The following RBFOX3 variants were observed in gnomAD, a reference collection of about 807,000 sequenced individuals.
RBFOX3 encodes RNA binding protein fox-1 homolog 3.
A neutral mutation model predicts 48.7 loss-of-function variants in RBFOX3; 17 were observed. That is an observed-to-expected ratio of 0.35 (90% CI 0.24 to 0.52). The LOEUF (loss-of-function observed/expected upper bound fraction) is 0.52, where lower values mean the gene tolerates loss of function less well. Among genes scored for constraint, RBFOX3 ranks in the 20% least tolerant of loss-of-function variants. The pLI is 0.94. For synonymous variants in RBFOX3, 212 were observed against 209.5 expected, an observed-to-expected ratio of 1.01 and a Z score of -0.10; for missense variants, 382 against 497.5, an observed-to-expected ratio of 0.77 and a Z score of 2.21.
At chr17:79,219,954 C>T (rs1374228845) in intron 4 of RBFOX3, among the ~76,000 whole-genome samples, 2 of 150,240 alleles carry the variant, frequency 1.3e-5, no homozygotes, top group East Asian at 1.9e-4. Context: ...CCAGCCCCAC[C>T]GTCTGCATCC....
intron 2 of RBFOX3, among the ~76,000 whole-genome samples, chr17:79,450,874 G>T (rs1178552711): frequency 2.6e-5 from 4 of 152,154 alleles, no homozygotes; most frequent in African/African-American, 9.7e-5. Context: ...GCCAAGAGGA[G>T]AGAAAAAGTA....
chr17:79,395,128 G>A (rs1364487903), intron 2 of RBFOX3, among the ~76,000 whole-genome samples: 1 of 152,224 alleles, frequency 6.6e-6, no homozygotes. Context: ...CCTTCTGCCG[G>A]AGACCAGGGA....
rs1395987418 is a variant in RBFOX3, at chr17:79,198,821, G to A, written c.-34+36945C>T. Among the ~76,000 whole-genome samples the A allele has an allele frequency of 5.3e-5, 8 of 152,168 alleles. No individual in the cohort carries two copies. The South Asian group carries it at 6.2e-4, about 12-fold the overall frequency. On this transcript the variant is annotated intron_variant, in intron 4 of 14. Transcript: ENST00000693108. This position sits in a 1 kb window ranked among gnomAD's most constrained non-coding sequence, Gnocchi z 8.2. ...TTTTTGTACTTTTGGTAGAGATGGCGTTTCATCATGTTGGCCAGGCTAATC... is the reference window on the plus strand; with the variant it reads ...TTTTTGTACTTTTGGTAGAGATGGCATTTCATCATGTTGGCCAGGCTAATC...
chr17:79,581,324 C>G (rs1423813872), intron 1 of RBFOX3, among the ~76,000 whole-genome samples: 2 of 152,204 alleles, frequency 1.3e-5, no homozygotes, highest in South Asian at 2.1e-4. Flanking sequence ...ACGGAAGCCT[C>G]CGGGCTTTTG....
chr17:79,154,735 T>C (rs371613604), intron 4 of RBFOX3, among the ~76,000 whole-genome samples: 12 of 152,242 alleles, frequency 7.9e-5, no homozygotes, highest in East Asian at 5.8e-4. Context: ...TGCTGGCCCC[T>C]GCCCCGTTGG....
chr17:79,426,059 G>T (rs1333718818), intron 2 of RBFOX3, among the ~76,000 whole-genome samples: 2 of 152,134 alleles, frequency 1.3e-5, no homozygotes, highest in Admixed American at 6.5e-5. Flanking sequence ...AGCTGGGGAG[G>T]AGAGGGAGAC....
intron 2 of RBFOX3, among the ~76,000 whole-genome samples, chr17:79,437,352 T>TGGAGCTCCTCCA (rs1425390971): frequency 1.3e-5 from 2 of 152,196 alleles, no homozygotes; most frequent in African/African-American, 4.8e-5. Flanking sequence ...CCGCTCCTCC[T>TGGAGCTCCTCCA]GGAGCTCCTC....
chr17:79,573,439 G>A (rs1336750180), intron 1 of RBFOX3, among the ~76,000 whole-genome samples: 1 of 152,194 alleles, frequency 6.6e-6, no homozygotes, highest in Non-Finnish European at 1.5e-5. Flanking sequence ...GTGCAGCCTG[G>A]AGGAGGGGCT....
At chr17:79,402,666 G>C (rs1338344418) in intron 2 of RBFOX3, among the ~76,000 whole-genome samples, 1 of 152,158 alleles carries the variant, frequency 6.6e-6, no homozygotes, top group African/African-American at 2.4e-5. Context: ...TTTGGCTCTC[G>C]GTCTCCTTGT....
Position 79,299,011 on chromosome 17 carries a change from C to G in RBFOX3, c.-74+8713G>C, listed in dbSNP as rs946167220. 6.6e-6 allele frequency among the ~76,000 whole-genome samples: 1 copy of G among 152,116 alleles called. No individual in the cohort carries two copies. The highest frequency in any genetic ancestry group is 1.9e-4 in the East Asian group (1 of 5,192). ...TGCAAGGCTGGGAGGCGGGAGGGCG[C>G]GAGTCTGTAACTGGAGAGGTTTGTT... On this transcript the variant is annotated intron_variant, in intron 3 of 14. Transcript: ENST00000693108. The surrounding 1 kb of genome is among the most constrained non-coding windows in gnomAD (Gnocchi z 4.5).
At chr17:79,657,172 G>A in the RBFOX3 span, among the ~76,000 whole-genome samples, 2 of 152,192 alleles carry the variant, frequency 1.3e-5, no homozygotes, top group South Asian at 2.1e-4. Context: ...AAGGAGAGAA[G>A]GGAGAGGATG....
intron 1 of RBFOX3, among the ~76,000 whole-genome samples, chr17:79,517,379 A>C (rs1599021033): frequency 7.2e-6 from 1 of 139,346 alleles, no homozygotes; most frequent in African/African-American, 2.6e-5. Flanking sequence ...CAGGGGGCGG[A>C]GGTTGCAGGG....
At chr17:79,131,512 C>T (rs1209373117) in intron 4 of RBFOX3, among the ~76,000 whole-genome samples, 2 of 152,228 alleles carry the variant, frequency 1.3e-5, no homozygotes, top group Admixed American at 6.5e-5. Flanking sequence ...TCCTGTTAAG[C>T]GTCGCCACTC....
At chr17:79,190,401 ATC>A (rs767617005) in intron 4 of RBFOX3, among the ~76,000 whole-genome samples, 18 of 145,782 alleles carry the variant, frequency 1.2e-4, no homozygotes, top group Non-Finnish European at 2.4e-4. Context: ...ACAAGAGTAA[ATC>A]TCTGTCTCAC....
At chr17:79,451,036 G>A (rs1175740393) in intron 2 of RBFOX3, among the ~76,000 whole-genome samples, 1 of 152,132 alleles carries the variant, frequency 6.6e-6, no homozygotes, top group African/African-American at 2.4e-5. Flanking sequence ...CAGGCTGGGG[G>A]GCCCGATGGC....
In RBFOX3 at chr17:79,355,534, G is replaced by A. The variant is rs114211275; in HGVS notation, c.-174-47710C>T. Among the ~76,000 whole-genome samples, 379 of 152,128 alleles carry A rather than the reference G, an allele frequency of 2.5e-3. 1 individual carries two copies. Among genetic ancestry groups the A allele is most frequent in the African/African-American group, 8.7e-3 (360 of 41,482 alleles). On this transcript the variant is annotated intron_variant, in intron 2 of 14. Coordinates refer to ENST00000693108, the MANE Select transcript of RBFOX3 (RefSeq NM_001350451.2). ...CTGCTCCTGAACCCCTGAGTTCAAC[G>A]CATGTTAGAAACTAAAAGCTGAATA...
intron 1 of RBFOX3, among the ~76,000 whole-genome samples, chr17:79,532,204 G>C (rs976701838): frequency 3.3e-5 from 5 of 152,242 alleles, no homozygotes; most frequent in Non-Finnish European, 5.9e-5. Flanking sequence ...ACTGGAGGGG[G>C]GAGGGGAGGA....
At chr17:79,312,951 C>T (rs2077052289) in intron 2 of RBFOX3, among the ~76,000 whole-genome samples, 1 of 152,146 alleles carries the variant, frequency 6.6e-6, no homozygotes, top group African/African-American at 2.4e-5. Context: ...TGCAGTATAA[C>T]TCATTAACCC....
intron 1 of RBFOX3, among the ~76,000 whole-genome samples, chr17:79,555,693 GGTGGTGATA>G (rs1376580858): frequency 0.013 from 94 of 6,998 alleles, no homozygotes; most frequent in African/African-American, 0.029. Context: ...TGGTGGTGAT[GGTGGTGATA>G]GTGGTGGCAA....
Sources: allele counts gnomAD v4.1 joint callset (sites outside exome capture counted in the v4.1 genomes callset), GRCh38; gene constraint gnomAD v4.1.1; non-coding constraint Gnocchi (gnomAD v3.1); transcripts MANE v1.5; gene names NCBI Gene and HGNC (gene_info 2026-07-23, HGNC 2026-07-21).